Variants in CACNA1D observed in about 807,000 individuals in gnomAD.
CACNA1D encodes the protein calcium voltage-gated channel subunit alpha1 D, also known as voltage-dependent L-type calcium channel subunit alpha-1D.
In CACNA1D, 55 loss-of-function variants were observed where a neutral mutation model predicts 257.1. That is an observed-to-expected ratio of 0.21 (90% confidence interval 0.17 to 0.27). CACNA1D has a LOEUF of 0.27. CACNA1D is among the 10% of genes least tolerant of loss of function. The pLI, the probability that CACNA1D is intolerant of heterozygous loss-of-function variation, is 1.00. For synonymous variants in CACNA1D, 980 were observed against 1,014.9 expected (o/e 0.97, Z 0.65); for missense variants, 1,876 against 2,784.0 (o/e 0.67, Z 7.34).
rs1397347055 is a variant in CACNA1D, at chr3:53,751,141, C to T, written c.3517-608C>T. ...CAAGCTCCCCAGCCCAGAAGCTCCC[C>T]GATGGACATGTGGATAGCTCCCCAT... On this transcript the variant is annotated intron_variant, in intron 27 of 47. Coordinates refer to ENST00000350061, the MANE Select transcript of CACNA1D (RefSeq NM_001128840.3). This position sits in a 1 kb window ranked among gnomAD's most constrained non-coding sequence, Gnocchi z 4.3. Among the ~76,000 whole-genome samples, 1 of 152,206 alleles carries T rather than the reference C, an allele frequency of 6.6e-6. No individual in the cohort carries two copies. Among genetic ancestry groups the T allele is most frequent in the African/African-American group, 2.4e-5 (1 of 41,452 alleles).
chr3:53,509,631 G>A (rs1250319948), intron 3 of CACNA1D, among the ~76,000 whole-genome samples: 1 of 152,182 alleles, frequency 6.6e-6, no homozygotes, highest in African/African-American at 2.4e-5. Flanking sequence ...GGCAGGTGCA[G>A]ACTGCTCAGT....
chr3:53,652,386 G>A (rs143975103), intron 4 of CACNA1D, among the ~76,000 whole-genome samples: 1 of 152,284 alleles, frequency 6.6e-6, no homozygotes, highest in African/African-American at 2.4e-5. Flanking sequence ...GTTTGGGGAG[G>A]CAGAATAGGG....
intron 3 of CACNA1D, among the ~76,000 whole-genome samples, chr3:53,505,253 C>T (rs559089429): frequency 4.6e-5 from 7 of 151,262 alleles, no homozygotes; most frequent in East Asian, 1.9e-4. Context: ...GGACTACAGA[C>T]GAGCGCCAAC....
intron 40 of CACNA1D, among the ~76,000 whole-genome samples, chr3:53,794,279 C>T (rs992515220): frequency 2.6e-5 from 4 of 152,198 alleles, no homozygotes; most frequent in African/African-American, 9.7e-5. Context: ...ATTAGATGAT[C>T]TGTGCGAAGG....
intron 29 of CACNA1D, among the ~76,000 whole-genome samples, chr3:53,759,637 C>T (rs1245817318): frequency 6.6e-6 from 1 of 152,254 alleles, no homozygotes; most frequent in Non-Finnish European, 1.5e-5. Flanking sequence ...TTTTGAGTTA[C>T]TCTTAACTCC....
chr3:53,674,195 AGTACAT>A, intron 8 of CACNA1D: 1 of 371,514 alleles, frequency 2.7e-6, no homozygotes, highest in Non-Finnish European at 5.1e-6. Context: ...TGTGTCTATT[AGTACAT>A]AACCTGGCCC....
At position 53,723,299 on chromosome 3, in the gene CACNA1D, G is replaced by C; in HGVS notation, c.1667-135G>C. ...CGCGAAGGCCACGTTTCTGTCCTGA[G>C]TGAGGTAGTGAAGAGAGAGACAAGG... On this transcript the variant is annotated intron_variant, in intron 12 of 47. Transcript: ENST00000350061. This position sits in a 1 kb window ranked among gnomAD's most constrained non-coding sequence, Gnocchi z 5.6. The C allele has an allele frequency of 1.4e-6, 1 of 737,906 alleles. No homozygotes were observed. Among genetic ancestry groups the C allele is most frequent in the East Asian group, 2.6e-5 (1 of 38,534 alleles). 45.7% of individuals were successfully genotyped at this position (737,906 alleles called of 1,614,324 possible).
chr3:53,667,773 T>A (rs1402975821), intron 7 of CACNA1D, among the ~76,000 whole-genome samples: 1 of 152,176 alleles, frequency 6.6e-6, no homozygotes, highest in Non-Finnish European at 1.5e-5. Flanking sequence ...ATGTTATATC[T>A]TGTTTTTCCT....
chr3:53,735,522 G>T lies in CACNA1D; in HGVS notation c.2751+19G>T, dbSNP rs1314372972. 2 of 1,613,270 alleles carry T rather than the reference G, an allele frequency of 1.2e-6. No individual in the cohort carries two copies. The highest frequency in any genetic ancestry group is 3.3e-4 in the Middle Eastern group (2 of 6,062). On this transcript the variant is annotated intron_variant, in intron 20 of 47. Coordinates refer to ENST00000350061, the MANE Select transcript of CACNA1D (RefSeq NM_001128840.3). ...GAACACGGTAAGTCCCCAGGGTGGG[G>T]CTCGCTCTGGGATAGCCCTGGCCTC... is the stretch of plus-strand genomic sequence containing the variant.
Position 53,811,179 on chromosome 3 carries a change from G to A in CACNA1D, c.6259G>A (p.Glu2087Lys), listed in dbSNP as rs762059527. The change falls in exon 48 of 48, where the codon GAA becomes AAA. Residue 2087 changes from glutamate (E) to lysine (K), a missense_variant. Coordinates refer to ENST00000350061, the MANE Select transcript of CACNA1D (RefSeq NM_001128840.3). This position sits in a 1 kb window ranked among gnomAD's most constrained non-coding sequence, Gnocchi z 4.2. ...DPKFVSATKH[E>K]IADACDLTID... Reference sequence around the variant, plus strand: ...AAAATTTGTGTCAGCAACAAAACACGAAATCGCTGATGCCTGTGACCTCAC... The same window carrying A: ...AAAATTTGTGTCAGCAACAAAACACAAAATCGCTGATGCCTGTGACCTCAC... 4.3e-6 allele frequency: 7 copies of A among 1,613,926 alleles called. No individual in the cohort carries two copies. The highest frequency in any genetic ancestry group is 1.3e-5 in the African/African-American group (1 of 74,912).
chr3:53,677,703 A>G (rs1271973841), intron 8 of CACNA1D, among the ~76,000 whole-genome samples: 1 of 152,240 alleles, frequency 6.6e-6, no homozygotes, highest in Non-Finnish European at 1.5e-5. Flanking sequence ...AGTATTACGC[A>G]GGTCTAAGTC....
At chr3:53,733,621 C>T (rs759002446) in intron 19 of CACNA1D, among the ~76,000 whole-genome samples, 1 of 152,174 alleles carries the variant, frequency 6.6e-6, no homozygotes, top group East Asian at 1.9e-4. Flanking sequence ...AAGAGGAAGA[C>T]GTTTATTTAC....
chr3:53,686,686 A>G (rs2094476090), intron 8 of CACNA1D, among the ~76,000 whole-genome samples: 1 of 152,052 alleles, frequency 6.6e-6, no homozygotes, highest in Non-Finnish European at 1.5e-5. Context: ...CTGAAAAAAA[A>G]ACTATAGCTG....
intron 40 of CACNA1D, among the ~76,000 whole-genome samples, chr3:53,798,507 C>T (rs977170274): frequency 6.6e-6 from 1 of 152,166 alleles, no homozygotes; most frequent in African/African-American, 2.4e-5. Context: ...ACTGTCTGTC[C>T]CCTATAAGAT....
At chr3:53,776,811 C>T (rs369840759) in intron 36 of CACNA1D, 49 bp from the exon 37 acceptor site, 151 of 1,612,420 alleles carry the variant, frequency 9.4e-5, no homozygotes, top group Non-Finnish European at 1.1e-4. Context: ...ACTGAAAGTT[C>T]GGGCCAGCTG....
rs1343273405 is a variant in CACNA1D, at chr3:53,813,430, C to G, written c.*2024C>G. On this transcript the variant is annotated 3_prime_UTR_variant, in exon 48 of 48. Transcript: ENST00000350061. Reference sequence around the variant, plus strand: ...CTCTGAAATTATGGATATTCTTATCCTCCTGGTTCCTTCGGTGCCAATGGT... The same window carrying G: ...CTCTGAAATTATGGATATTCTTATCGTCCTGGTTCCTTCGGTGCCAATGGT... 1 of 152,206 alleles carries G rather than the reference C, an allele frequency of 6.6e-6. No homozygotes were observed. Among genetic ancestry groups the G allele is most frequent in the East Asian group, 1.9e-4 (1 of 5,202 alleles). The allele number at this position is 152,206 out of a possible 1,614,324, so 9.4% of individuals were successfully genotyped here. A position where few individuals can be genotyped will look rare whatever the true frequency, so the allele number is the denominator to read the frequency against.
At position 53,723,657 on chromosome 3, in the gene CACNA1D, C is replaced by A; in HGVS notation, c.1890C>A (p.Thr630=). The change falls in exon 13 of 48, where the codon ACC becomes ACA. Residue 630 remains threonine (T), a splice_region_variant and synonymous_variant. Coordinates refer to ENST00000350061, the MANE Select transcript of CACNA1D (RefSeq NM_001128840.3). The surrounding 1 kb of genome is among the most constrained non-coding windows in gnomAD (Gnocchi z 5.6). ...GCCTCTTAAGAATCTTCAAAGTGAC[C>A]AGGTAAGGAAATGTGGGTCCCACTG... The part of the protein sequence containing the change: ...CVRLLRIFKV[T]RHWTSLSNLV... The A allele has an allele frequency of 6.2e-7, 1 of 1,613,538 alleles. No individual in the cohort carries two copies.
intron 30 of CACNA1D, among the ~76,000 whole-genome samples, chr3:53,768,211 G>C (rs531888886): frequency 6.6e-6 from 1 of 152,348 alleles, no homozygotes; most frequent in African/African-American, 2.4e-5. Flanking sequence ...ACTGTGGCCA[G>C]GAGTGTCTTC....
At position 53,718,501 on chromosome 3, in the gene CACNA1D, C is replaced by T. The variant is rs56101638; in HGVS notation, c.1478+113C>T. The T allele has an allele frequency of 0.043, 39,996 of 930,616 alleles. 1,058 individuals carry two copies. Among genetic ancestry groups the T allele is most frequent in the Middle Eastern group, 0.062 (284 of 4,596 alleles). 57.6% of individuals were successfully genotyped at this position (930,616 alleles called of 1,614,324 possible). A position where few individuals can be genotyped will look rare whatever the true frequency, so the allele number is the denominator to read the frequency against. On this transcript the variant is annotated intron_variant, in intron 10 of 47. Coordinates refer to ENST00000350061, the MANE Select transcript of CACNA1D (RefSeq NM_001128840.3). ...CCCCGGGCCATCGCCTTGGGTGTGG[C>T]GGGTGGGAAGGCTCCTCGTACCCCA...
Sources: allele counts gnomAD v4.1 joint callset (sites outside exome capture counted in the v4.1 genomes callset), GRCh38; gene constraint gnomAD v4.1.1; non-coding constraint Gnocchi (gnomAD v3.1); transcripts MANE v1.5; gene names NCBI Gene and HGNC (gene_info 2026-07-23, HGNC 2026-07-21).